The following HDAC9 variants were observed in gnomAD, a reference collection of about 807,000 sequenced individuals.
HDAC9 encodes MEF-2 interacting transcription repressor (MITR) protein.
A neutral mutation model predicts 139.4 loss-of-function variants in HDAC9; 41 were observed. That is an observed-to-expected ratio of 0.29 (90% CI 0.23 to 0.38). The LOEUF (loss-of-function observed/expected upper bound fraction) is 0.38. HDAC9 is among the 10% of genes least tolerant of loss of function. The pLI, the probability that HDAC9 is intolerant of heterozygous loss-of-function variation, is 1.00. For synonymous variants in HDAC9, 517 were observed against 476.2 expected, an observed-to-expected ratio of 1.09 and a Z score of -1.12; for missense variants, 1,147 against 1,297.0, an observed-to-expected ratio of 0.88 and a Z score of 1.78.
At chr7:18,641,157 A>G (rs1424364348) in intron 8 of HDAC9, among the ~76,000 whole-genome samples, 1 of 152,102 alleles carries the variant, frequency 6.6e-6, no homozygotes, top group African/African-American at 2.4e-5. Flanking sequence ...AATTCCACAT[A>G]AATAGCTCTA....
Position 18,674,127 on chromosome 7 carries a change from C to A in HDAC9, c.1731+7651C>A, listed in dbSNP as rs1003493586. ...CCTTTATCTCCTATAGGCAGTTGGT[C>A]CTCCTGTTTCTGATTTCACATCATC... On this transcript the variant is annotated intron_variant, in intron 12 of 25. Transcript: ENST00000686413. Among the ~76,000 whole-genome samples, 21 of 151,912 alleles carry A rather than the reference C, an allele frequency of 1.4e-4. 1 individual carries two copies. The highest frequency in any genetic ancestry group is 2.5e-4 in the Non-Finnish European group (17 of 67,954).
chr7:18,256,926 A>G lies in HDAC9; in HGVS notation c.25+94577A>G, dbSNP rs553973348. Reference sequence around the variant, plus strand: ...AACATAGTAAGGCCACATCTCTACAAAAAGTAAAAAAAAATAACCAGGCAT... The same window carrying G: ...AACATAGTAAGGCCACATCTCTACAGAAAGTAAAAAAAAATAACCAGGCAT... On this transcript the variant is annotated intron_variant, in intron 2 of 12. Transcript: ENST00000417496. Among the ~76,000 whole-genome samples the G allele has an allele frequency of 1.3e-4, 19 of 151,872 alleles. No homozygotes were observed. The South Asian group carries it at 3.8e-3, about 30-fold the overall frequency.
intron 2 of HDAC9, among the ~76,000 whole-genome samples, chr7:18,558,518 A>G (rs1017812514): frequency 1.3e-5 from 2 of 152,152 alleles, no homozygotes; most frequent in Non-Finnish European, 2.9e-5. Context: ...AGCCTAACAT[A>G]CTTGGTTCTG....
intron 1 of HDAC9, among the ~76,000 whole-genome samples, chr7:18,447,867 T>C (rs1792440747): frequency 6.6e-6 from 1 of 152,260 alleles, no homozygotes; most frequent in East Asian, 1.9e-4. Context: ...GGTTAAATCA[T>C]AGAGGACCCT....
chr7:18,716,196 A>T (rs1014942772), intron 12 of HDAC9, among the ~76,000 whole-genome samples: 5 of 152,222 alleles, frequency 3.3e-5, no homozygotes, highest in Non-Finnish European at 7.3e-5. Flanking sequence ...GCTGCCAACC[A>T]GACAAGGGAT....
chr7:18,758,149 A>T (rs531893982), intron 14 of HDAC9, among the ~76,000 whole-genome samples: 5 of 152,180 alleles, frequency 3.3e-5, no homozygotes, highest in Non-Finnish European at 7.3e-5. Flanking sequence ...TTTCATTCCT[A>T]GGCCTGTGTT....
chr7:18,842,029 A>C (rs1445791659), intron 21 of HDAC9, among the ~76,000 whole-genome samples: 1 of 152,134 alleles, frequency 6.6e-6, no homozygotes, highest in African/African-American at 2.4e-5. Flanking sequence ...TATAGTGAAA[A>C]ATGAACATTT....
intron 1 of HDAC9, among the ~76,000 whole-genome samples, chr7:18,472,287 T>A (rs1410330500): frequency 6.6e-6 from 1 of 152,178 alleles, no homozygotes; most frequent in African/African-American, 2.4e-5. Flanking sequence ...CTCCCTGTAA[T>A]CTACTCATCT....
chr7:18,877,746 A>G (rs914292948), intron 22 of HDAC9, among the ~76,000 whole-genome samples: 3 of 152,190 alleles, frequency 2.0e-5, no homozygotes, highest in Non-Finnish European at 4.4e-5. Flanking sequence ...GTAATCACCA[A>G]TATCTCAGCC....
intron 2 of HDAC9, among the ~76,000 whole-genome samples, chr7:18,251,930 G>T (rs111382442): frequency 1.3e-5 from 2 of 152,112 alleles, no homozygotes; most frequent in Non-Finnish European, 2.9e-5. Context: ...CTGTATATAC[G>T]TATGTCCCCG....
At chr7:18,465,445 C>T (rs981397261) in intron 1 of HDAC9, among the ~76,000 whole-genome samples, 1 of 152,030 alleles carries the variant, frequency 6.6e-6, no homozygotes, top group Non-Finnish European at 1.5e-5. Context: ...AGAGGAAATA[C>T]ATTAGAGAGT....
intron 1 of HDAC9, among the ~76,000 whole-genome samples, chr7:18,486,282 A>T (rs766819580): frequency 3.1e-4 from 47 of 152,168 alleles, no homozygotes; most frequent in Non-Finnish European, 1.9e-4. Flanking sequence ...TAAAAAAGAG[A>T]TGCCATTATT....
intron 1 of HDAC9, among the ~76,000 whole-genome samples, chr7:18,457,941 C>T (rs1450878165): frequency 6.6e-6 from 1 of 152,190 alleles, no homozygotes; most frequent in Non-Finnish European, 1.5e-5. Flanking sequence ...AATGCACACA[C>T]TGACACTACA....
chr7:18,657,653 A>G (rs1160596380), intron 11 of HDAC9, among the ~76,000 whole-genome samples: 1 of 152,122 alleles, frequency 6.6e-6, no homozygotes, highest in Non-Finnish European at 1.5e-5. Context: ...CCTGCCAAGA[A>G]ATCTTGGTTA....
At chr7:18,277,169 C>G (rs543374804) in intron 2 of HDAC9, among the ~76,000 whole-genome samples, 1 of 147,278 alleles carries the variant, frequency 6.8e-6, no homozygotes, top group South Asian at 2.2e-4. Context: ...AGAGGAGACC[C>G]AAGTTTAGTG....
chr7:18,379,568 C>T lies in HDAC9; in HGVS notation c.-42+89053C>T, dbSNP rs116975017. 5.6e-4 allele frequency among the ~76,000 whole-genome samples: 85 copies of T among 152,264 alleles called. 2 individuals are homozygous for T. The East Asian group carries it at 0.014, about 26-fold the overall frequency. ...AGTGTGCCAGTTGTGTCTTTTTGAACTCACACACAAACAATTTAAAAGTCT... is the reference window on the plus strand; with the variant it reads ...AGTGTGCCAGTTGTGTCTTTTTGAATTCACACACAAACAATTTAAAAGTCT... On this transcript the variant is annotated intron_variant, in intron 1 of 3. Coordinates refer to the HDAC9 transcript ENST00000413509.
intron 1 of HDAC9, among the ~76,000 whole-genome samples, chr7:18,155,045 G>A (rs1003686876): frequency 1.3e-5 from 2 of 150,366 alleles, no homozygotes; most frequent in South Asian, 2.1e-4. Context: ...CTTCTGTCCA[G>A]TGTGTATTTA....
At chr7:18,821,613 T>C (rs1794980334) in intron 17 of HDAC9, among the ~76,000 whole-genome samples, 1 of 152,188 alleles carries the variant, frequency 6.6e-6, no homozygotes, top group African/African-American at 2.4e-5. Context: ...AGACACCATA[T>C]GTATGTGTTT....
chr7:18,248,073 A>G (rs1794673639), intron 2 of HDAC9, among the ~76,000 whole-genome samples: 1 of 152,218 alleles, frequency 6.6e-6, no homozygotes, highest in Admixed American at 6.5e-5. Flanking sequence ...AGGCCTTTAC[A>G]GTGTTTAATT....
Sources: gnomAD v4.1 joint callset for allele counts (sites outside exome capture counted in the v4.1 genomes callset) on GRCh38, gnomAD v4.1.1 for gene constraint, MANE v1.5 for transcripts, NCBI Gene and HGNC (gene_info 2026-07-23, HGNC 2026-07-21) for gene names.